The following ZNF35 variants were observed in gnomAD, a reference collection of about 807,000 sequenced individuals.
ZNF35 encodes zinc finger protein 35.
Under a neutral mutation model 45.9 loss-of-function variants are expected in ZNF35, and 31 were observed. The ratio of observed to expected loss-of-function variants is 0.68; its 90% CI spans 0.51 to 0.91. The LOEUF is 0.91. Among genes scored for constraint, ZNF35 ranks in the 40% least tolerant of loss-of-function variants. ZNF35 has a pLI of 0.00. For synonymous variants in ZNF35, 205 were observed against 220.2 expected, an observed-to-expected ratio of 0.93 and a Z score of 0.61; for missense variants, 515 against 625.4, an observed-to-expected ratio of 0.82 and a Z score of 1.88.
rs202072310 is a variant in ZNF35, at chr3:44,659,834, G to A, written c.1471G>A (p.Val491Met). The A allele has an allele frequency of 5.7e-5, 92 of 1,613,768 alleles. No individual in the cohort carries two copies. The highest frequency in any genetic ancestry group is 6.7e-5 in the African/African-American group (5 of 74,898). The change falls in exon 4 of 4, where the codon GTG (valine) becomes ATG (methionine). Residue 491 changes from valine to methionine, a missense_variant. Physicochemically the swap from Val to Met is conservative, Grantham distance 21. This residue lies in a region of ZNF35 where 232 missense variants were observed against 304.6 expected (regional missense o/e 0.76). Coordinates refer to ENST00000396056, the MANE Select transcript of ZNF35 (RefSeq NM_003420.4). This position sits in a 1 kb window ranked among gnomAD's most constrained non-coding sequence, Gnocchi z 4.3. ...CTTCAGACAGAGGTCGAGCCTCACC[G>A]TGCACCAGAGAACCCACACTGGGGA... Reference protein sequence around the residue: ...KAFRQRSSLTVHQRTHTGEKP... With the variant: ...KAFRQRSSLTMHQRTHTGEKP...
At position 44,659,428 on chromosome 3, in the gene ZNF35, CCA is replaced by C. The variant is rs775047079; in HGVS notation, c.1069_1070del (p.Thr357TrpfsTer8). 10 of 1,612,908 alleles carry C rather than the reference CCA, an allele frequency of 6.2e-6. No homozygotes were observed. In the African/African-American group the frequency reaches 1.3e-4, roughly 22 times the overall value. On this transcript the variant is annotated frameshift_variant, in exon 4 of 4. Coordinates refer to ENST00000396056, the MANE Select transcript of ZNF35 (RefSeq NM_003420.4). LOFTEE classifies it high-confidence loss of function. The surrounding 1 kb of genome is among the most constrained non-coding windows in gnomAD (Gnocchi z 4.3). ...CAAACCTCATTGTCCACCAGAGGAT[CCA>C]CACTGGGGAGAAGCCCTTTGCCTGT... The part of the protein sequence containing the change: ...SSNLIVHQRI[H>X]TGEKPFACND...
Position 44,652,669 on chromosome 3 carries a change from T to C in ZNF35, c.305T>C (p.Ile102Thr). ...CCAGGGACTCTGGCCAAGAGTGAGA[T>C]ACTGGAGACTCATGGGACCATGAAC... Reference protein sequence around the residue: ...SLPGTLAKSEILETHGTMNFL... With the variant: ...SLPGTLAKSETLETHGTMNFL... Residue 102 changes from isoleucine (I) to threonine (T), a missense_variant, in exon 3 of 4, where the codon ATA becomes ACA. Physicochemically the swap from Ile to Thr is moderately conservative, Grantham distance 89. Transcript: ENST00000396056. 6.2e-7 allele frequency: 1 copy of C among 1,609,126 alleles called. No homozygotes were observed. Among genetic ancestry groups the C allele is most frequent in the Admixed American group, 1.7e-5 (1 of 59,064 alleles).
At chr3:44,655,210 C>T (rs1157553524) in intron 3 of ZNF35, among the ~76,000 whole-genome samples, 1 of 152,118 alleles carries the variant, frequency 6.6e-6, no homozygotes, top group Non-Finnish European at 1.5e-5. Context: ...AACATAATTA[C>T]AAATTTGATA....
chr3:44,652,128 T>C (rs1248296521), intron 2 of ZNF35, among the ~76,000 whole-genome samples: 1 of 152,196 alleles, frequency 6.6e-6, no homozygotes, highest in Non-Finnish European at 1.5e-5. Flanking sequence ...GGCTGTACAC[T>C]GTGCTGTCCT....
rs757525327 is a variant in ZNF35, at chr3:44,652,617, G to T, written c.253G>T (p.Ala85Ser). The part of the protein sequence containing the change: ...VLKATQEAPA[A>S]STLGSYSLPG... ...GAAAGCAACTCAGGAGGCACCTGCT[G>T]CTTCAACCCTTGGCAGCTACTCATT... The change falls in exon 3 of 4, where the codon GCT (alanine) becomes TCT (serine). Residue 85 changes from alanine (A) to serine (S), a missense_variant. Physicochemically the swap from Ala to Ser is moderately conservative, Grantham distance 99. Around this residue, in one of 3 missense-constraint regions of ZNF35, gnomAD observed 275 missense variants for 295.7 expected, o/e 0.93. Coordinates refer to ENST00000396056, the MANE Select transcript of ZNF35 (RefSeq NM_003420.4). 3.7e-6 allele frequency: 6 copies of T among 1,610,942 alleles called. No homozygotes were observed. In the South Asian group the frequency reaches 6.7e-5, roughly 18 times the overall value.
At chr3:44,648,673 G>C (rs1426586581), upstream of ZNF35, 1 of 152,162 alleles carries the variant, frequency 6.6e-6, no homozygotes, top group African/African-American at 2.4e-5. Flanking sequence ...CACCTCCGAG[G>C]TTCCTAGAGA....
At chr3:44,652,038 GTTCT>G (rs1229725752) in intron 2 of ZNF35, among the ~76,000 whole-genome samples, 1 of 152,116 alleles carries the variant, frequency 6.6e-6, no homozygotes, top group Admixed American at 6.5e-5. Context: ...GAGATTCTGT[GTTCT>G]TTGTTTGTTT....
Position 44,651,396 on chromosome 3 carries a change from T to G in ZNF35, c.192+137T>G. ...AATTCTAGCTTCCAGTCTTTTGTAA[T>G]AGGATAGAAACATTCCCTTCTGATT... On this transcript the variant is annotated intron_variant, in intron 2 of 3. Coordinates refer to ENST00000396056, the MANE Select transcript of ZNF35 (RefSeq NM_003420.4). 3.6e-6 allele frequency: 3 copies of G among 822,338 alleles called. No individual in the cohort carries two copies. In the East Asian group the frequency reaches 8.1e-5, roughly 22 times the overall value. The allele number at this position is 822,338 out of a possible 1,614,324, so 50.9% of individuals were successfully genotyped here.
Position 44,658,893 on chromosome 3 carries a change from T to A in ZNF35, c.530T>A (p.Val177Glu), listed in dbSNP as rs1225088823. The A allele has an allele frequency of 1.9e-6, 3 of 1,612,542 alleles. No homozygotes were observed. The East Asian group carries it at 6.7e-5, about 36-fold the overall frequency. ...AGAGAAAAGAAAGATTTCAGACAAG[T>A]GATAGTGAATGACTGTCACTTACCT... ...IKREKKDFRQ[V>E]IVNDCHLPES... Residue 177 changes from valine (V) to glutamate (E), a missense_variant, in exon 4 of 4, where the codon GTG becomes GAG. By Grantham distance (121) the Val-to-Glu change is moderately radical. Coordinates refer to ENST00000396056, the MANE Select transcript of ZNF35 (RefSeq NM_003420.4).
At chr3:44,646,577 A>G (rs190037367), upstream of ZNF35, 1,175 of 991,568 alleles carry the variant, frequency 1.2e-3, 7 homozygotes, top group South Asian at 2.8e-3. Flanking sequence ...TGCATAAGAA[A>G]GCTGCCCTGG....
chr3:44,659,032 G>A lies in ZNF35; in HGVS notation c.669G>A (p.Thr223=), dbSNP rs138010130. ...CCCAGCTTGGACAAAAGCCTTTTACGTGTAGCGTGTGTGGGAAAGGATTTA... is the reference window on the plus strand; with the variant it reads ...CCCAGCTTGGACAAAAGCCTTTTACATGTAGCGTGTGTGGGAAAGGATTTA... The part of the protein sequence containing the change: ...PKTQLGQKPF[T]CSVCGKGFSQ... Residue 223 remains threonine, a synonymous_variant, in exon 4 of 4, where the codon ACG becomes ACA. Coordinates refer to ENST00000396056, the MANE Select transcript of ZNF35 (RefSeq NM_003420.4). This position sits in a 1 kb window ranked among gnomAD's most constrained non-coding sequence, Gnocchi z 4.3. The A allele has an allele frequency of 3.0e-5, 49 of 1,614,132 alleles. No homozygotes were observed. Among genetic ancestry groups the A allele is most frequent in the African/African-American group, 1.6e-4 (12 of 74,930 alleles).
Position 44,660,240 on chromosome 3 carries a change from G to T in ZNF35, c.*293G>T, listed in dbSNP as rs1260767896. ...GGGTCGTACAAAGCTAAGTGGTAAT[G>T]ATGCTATTTGGGGAAAGGTCTTTTT... On this transcript the variant is annotated 3_prime_UTR_variant, in exon 4 of 4. Transcript: ENST00000396056. 18 of 263,740 alleles carry T rather than the reference G, an allele frequency of 6.8e-5. No individual in the cohort carries two copies. The allele number at this position is 263,740 out of a possible 1,614,324, so 16.3% of individuals were successfully genotyped here.
rs754956499 is a variant in ZNF35, at chr3:44,659,580, T to C, written c.1217T>C (p.Ile406Thr). 5.0e-6 allele frequency: 8 copies of C among 1,614,046 alleles called. No individual in the cohort carries two copies. Among genetic ancestry groups the C allele is most frequent in the Non-Finnish European group, 5.9e-6 (7 of 1,179,994 alleles). The change falls in exon 4 of 4, where the codon ATT becomes ACT. Residue 406 changes from isoleucine (I) to threonine (T), a missense_variant. Coordinates refer to ENST00000396056, the MANE Select transcript of ZNF35 (RefSeq NM_003420.4). This position sits in a 1 kb window ranked among gnomAD's most constrained non-coding sequence, Gnocchi z 4.3. ...GCCTTTAGTTGTTTTTCACACCTTA[T>C]TGTGCACCAGAGAATTCACACTGCA... is the stretch of plus-strand genomic sequence containing the variant. ...GKAFSCFSHL[I>T]VHQRIHTAEK...
chr3:44,660,001 A>C lies in ZNF35; in HGVS notation c.*54A>C. 2 of 1,481,932 alleles carry C rather than the reference A, an allele frequency of 1.3e-6. No homozygotes were observed. The highest frequency in any genetic ancestry group is 1.8e-6 in the Non-Finnish European group (2 of 1,110,478). The allele number at this position is 1,481,932 out of a possible 1,614,324, so 91.8% of individuals were successfully genotyped here. On this transcript the variant is annotated 3_prime_UTR_variant, in exon 4 of 4. Transcript: ENST00000396056. ...TTGGTCATAACCTTCTGCCTCCCTA[A>C]TGAGACACCTCTTTGCTGTTTTCTT...
At chr3:44,650,316 T>C (rs1703170793) in intron 1 of ZNF35, among the ~76,000 whole-genome samples, 1 of 152,000 alleles carries the variant, frequency 6.6e-6, no homozygotes, top group African/African-American at 2.4e-5. Context: ...ACAAAAAAAA[T>C]GAAAAGAACC....
chr3:44,655,703 G>C (rs1036874272), intron 3 of ZNF35, among the ~76,000 whole-genome samples: 10 of 152,148 alleles, frequency 6.6e-5, no homozygotes, highest in African/African-American at 2.4e-4. Context: ...TTAGGCACTT[G>C]CCAAGACCCC....
chr3:44,659,645 A>G lies in ZNF35; in HGVS notation c.1282A>G (p.Ser428Gly). 1.9e-6 allele frequency: 3 copies of G among 1,614,250 alleles called. No homozygotes were observed. The highest frequency in any genetic ancestry group is 3.3e-4 in the Middle Eastern group (2 of 6,062). Residue 428 changes from serine to glycine, a missense_variant, in exon 4 of 4, where the codon AGT becomes GGT. By Grantham distance (56) the Ser-to-Gly change is moderately conservative. Transcript: ENST00000396056. The surrounding 1 kb of genome is among the most constrained non-coding windows in gnomAD (Gnocchi z 4.3). ...YDCSECGKAF[S>G]QLSCLIVHQR... ...CTGCAGCGAATGTGGGAAAGCCTTC[A>G]GTCAGCTCTCTTGCCTTATTGTCCA...
chr3:44,653,752 A>AGT (rs1382637913), intron 3 of ZNF35, among the ~76,000 whole-genome samples: 2 of 152,212 alleles, frequency 1.3e-5, no homozygotes, highest in African/African-American at 2.4e-5. Context: ...TCTCACTGGC[A>AGT]GTGGCAGAAG....
At chr3:44,652,842 A>G (rs1703228875) in intron 3 of ZNF35, 141 bp downstream of exon 3, 4 of 855,002 alleles carry the variant, frequency 4.7e-6, no homozygotes, top group Non-Finnish European at 6.6e-6. Context: ...GGAAAGAGGA[A>G]TGCTGAAATG....
Sources: gnomAD v4.1 joint callset for allele counts (sites outside exome capture counted in the v4.1 genomes callset) on GRCh38, gnomAD v4.1.1 for gene constraint, gnomAD v4.1.1 regional missense constraint, Gnocchi (gnomAD v3.1) non-coding constraint, MANE v1.5 for transcripts, NCBI Gene and HGNC (gene_info 2026-07-23, HGNC 2026-07-21) for gene names.